The following GOLPH3L variants were observed in gnomAD, a reference collection of about 807,000 sequenced individuals.
GOLPH3L encodes the protein golgi phosphoprotein 3 like, also known as Golgi phosphoprotein 3-like.
GOLPH3L carries 22 observed loss-of-function variants against 30.3 expected under a neutral mutation model. The observed-to-expected ratio is 0.73, with a 90% CI of 0.52 to 1.04. The LOEUF is 1.04. GOLPH3L is among the 50% of genes least tolerant of loss of function. GOLPH3L has a pLI of 0.00. For missense variants in GOLPH3L, 303 were observed against 345.8 expected, an observed-to-expected ratio of 0.88 and a Z score of 0.98; for synonymous variants, 120 against 128.2, an observed-to-expected ratio of 0.94 and a Z score of 0.43.
At chr1:150,684,638 C>T (rs1312417368) in intron 2 of GOLPH3L, among the ~76,000 whole-genome samples, 1 of 152,000 alleles carries the variant, frequency 6.6e-6, no homozygotes. Context: ...AAAATAATGA[C>T]TATTTGTACA....
At chr1:150,680,442 TC>T (rs2101809551) in intron 2 of GOLPH3L, among the ~76,000 whole-genome samples, 1 of 152,282 alleles carries the variant, frequency 6.6e-6, no homozygotes, top group East Asian at 1.9e-4. Flanking sequence ...TAGTGAACAA[TC>T]GTATTTACTT....
chr1:150,650,182 C>T (rs587728135), intron 4 of GOLPH3L, among the ~76,000 whole-genome samples: 2 of 152,188 alleles, frequency 1.3e-5, no homozygotes, highest in East Asian at 3.9e-4. Context: ...ACATATCCAA[C>T]AGTAAAGGAT....
chr1:150,685,873 T>C (rs1265193137), intron 2 of GOLPH3L, among the ~76,000 whole-genome samples: 1 of 102,210 alleles, frequency 9.8e-6, no homozygotes, highest in African/African-American at 3.2e-5. Flanking sequence ...TGTAAGTATG[T>C]CTTTTTTTTT....
At chr1:150,694,264 T>C in intron 2 of GOLPH3L, 1 of 332,020 alleles carries the variant, frequency 3.0e-6, no homozygotes, top group East Asian at 1.1e-4. Flanking sequence ...TAATCACACA[T>C]GTTCCTTGTC....
intron 2 of GOLPH3L, among the ~76,000 whole-genome samples, chr1:150,688,101 T>C (rs1323950260): frequency 2.6e-5 from 4 of 152,204 alleles, no homozygotes; most frequent in Non-Finnish European, 5.9e-5. Flanking sequence ...AGCATGTGAT[T>C]AGGGGCAGGC....
intron 2 of GOLPH3L, among the ~76,000 whole-genome samples, chr1:150,667,294 C>G (rs1650529588): frequency 6.6e-6 from 1 of 152,154 alleles, no homozygotes. Context: ...TAAGCTTATT[C>G]AAGACTTAAT....
chr1:150,684,840 G>A (rs1651046463), intron 2 of GOLPH3L, among the ~76,000 whole-genome samples: 1 of 151,982 alleles, frequency 6.6e-6, no homozygotes, highest in Non-Finnish European at 1.5e-5. Flanking sequence ...GCTAATTTTT[G>A]TATTATTAGT....
At chr1:150,677,926 T>A (rs982466627) in intron 2 of GOLPH3L, among the ~76,000 whole-genome samples, 1 of 151,856 alleles carries the variant, frequency 6.6e-6, no homozygotes, top group South Asian at 2.1e-4. Context: ...ACACCTGGCC[T>A]CAAACAGTTG....
At chr1:150,656,224 A>G (rs1650237377) in intron 4 of GOLPH3L, among the ~76,000 whole-genome samples, 3 of 152,230 alleles carry the variant, frequency 2.0e-5, no homozygotes, top group African/African-American at 7.2e-5. Context: ...AGCTCCTGAC[A>G]AAATTCAGAC....
chr1:150,670,322 G>A (rs184235349), intron 2 of GOLPH3L, among the ~76,000 whole-genome samples: 1 of 152,038 alleles, frequency 6.6e-6, no homozygotes, highest in Admixed American at 6.6e-5. Flanking sequence ...TTTAGGCTGG[G>A]TGTGGTGGCT....
In GOLPH3L at chr1:150,663,765, T is replaced by C. The variant is rs750985988; in HGVS notation, c.184-2A>G. 1.2e-6 allele frequency: 2 copies of C among 1,611,946 alleles called. No homozygotes were observed. Among genetic ancestry groups the C allele is most frequent in the Non-Finnish European group, 1.7e-6 (2 of 1,178,622 alleles). ...GTCATTCCAGAAAGATGTGTACCCC[T>C]AGGAAAGGAGAAAAGAGAAGAGAAA... On this transcript the variant is annotated splice_acceptor_variant, in intron 2 of 4. Transcript: ENST00000271732. LOFTEE classifies it high-confidence loss of function.
chr1:150,671,260 T>G (rs1011325176), intron 2 of GOLPH3L, among the ~76,000 whole-genome samples: 1 of 149,864 alleles, frequency 6.7e-6, no homozygotes, highest in Non-Finnish European at 1.5e-5. Context: ...AAAAAAAAAG[T>G]AAAGACGTAT....
At chr1:150,659,228 G>A (rs1650315837) in intron 4 of GOLPH3L, among the ~76,000 whole-genome samples, 1 of 152,240 alleles carries the variant, frequency 6.6e-6, no homozygotes. Flanking sequence ...AGGGGGACGT[G>A]TTGGGAATAG....
At chr1:150,669,693 G>A (rs760268814) in intron 2 of GOLPH3L, among the ~76,000 whole-genome samples, 2 of 152,194 alleles carry the variant, frequency 1.3e-5, no homozygotes, top group Non-Finnish European at 2.9e-5. Flanking sequence ...CGGGCGCGGT[G>A]GCTCACACCT....
intron 2 of GOLPH3L, among the ~76,000 whole-genome samples, chr1:150,685,696 C>G (rs1020359753): frequency 6.6e-6 from 1 of 151,578 alleles, no homozygotes; most frequent in African/African-American, 2.4e-5. Context: ...GCCTGGGCAA[C>G]AGAATGAGAG....
chr1:150,689,587 C>T (rs1651163681), intron 2 of GOLPH3L, among the ~76,000 whole-genome samples: 1 of 152,134 alleles, frequency 6.6e-6, no homozygotes, highest in South Asian at 2.1e-4. Context: ...TTATACTCTT[C>T]AAATTATATT....
intron 2 of GOLPH3L, among the ~76,000 whole-genome samples, chr1:150,683,732 AAG>A (rs1557788525): frequency 0.015 from 1,071 of 70,518 alleles, 138 homozygotes; most frequent in South Asian, 0.024. Flanking sequence ...AAAAAAAAAA[AAG>A]AGAGATACTC....
At chr1:150,653,455 C>CTTT (rs71086589) in intron 4 of GOLPH3L, among the ~76,000 whole-genome samples, 2 of 62,628 alleles carry the variant, frequency 3.2e-5, no homozygotes, top group African/African-American at 1.1e-4. Flanking sequence ...TTGAAAGCAA[C>CTTT]TTTTTTTTTT....
At chr1:150,673,734 G>A (rs587674778) in intron 2 of GOLPH3L, among the ~76,000 whole-genome samples, 6 of 151,086 alleles carry the variant, frequency 4.0e-5, no homozygotes. Flanking sequence ...TTCAGGACCA[G>A]CCTGGGCAAC....
Sources: allele counts gnomAD v4.1 joint callset (sites outside exome capture counted in the v4.1 genomes callset), GRCh38; gene constraint gnomAD v4.1.1; transcripts MANE v1.5; gene names NCBI Gene and HGNC (gene_info 2026-07-23, HGNC 2026-07-21).